The following TFEB variants were observed in gnomAD, a reference collection of about 807,000 sequenced individuals.
TFEB encodes the protein transcription factor EB, also known as T-cell transcription factor EB.
Under a neutral mutation model 48.0 loss-of-function variants are expected in TFEB, and 12 were observed. That is an observed-to-expected ratio of 0.25 (90% confidence interval 0.16 to 0.40). The LOEUF is 0.40. Ranked by LOEUF, TFEB falls within the 10% of genes least tolerant of loss-of-function variation. The pLI is 1.00. For synonymous variants in TFEB, 244 were observed against 261.4 expected (o/e 0.93, Z 0.64); for missense variants, 509 against 640.3 (o/e 0.79, Z 2.21).
intron 1 of TFEB, among the ~76,000 whole-genome samples, chr6:41,727,428 C>T (rs761289470): frequency 2.1e-4 from 32 of 152,254 alleles, no homozygotes; most frequent in Non-Finnish European, 4.1e-4. Context: ...AGGTGGCTCA[C>T]GCCTGTAATC....
chr6:41,693,367 T>C (rs1330545613), intron 1 of TFEB, among the ~76,000 whole-genome samples: 1 of 152,204 alleles, frequency 6.6e-6, no homozygotes, highest in Non-Finnish European at 1.5e-5. Flanking sequence ...TATGAAGTAG[T>C]TCTGCATATT....
At chr6:41,733,848 G>C (rs1034551772) in intron 1 of TFEB, 1 of 985,562 alleles carries the variant, frequency 1.0e-6, no homozygotes, top group African/African-American at 1.7e-5. Context: ...GAGCGCATCC[G>C]CATCTGTCCA....
intron 4 of TFEB, among the ~76,000 whole-genome samples, chr6:41,688,436 G>A (rs1769129035): frequency 6.6e-6 from 1 of 152,014 alleles, no homozygotes; most frequent in Non-Finnish European, 1.5e-5. Flanking sequence ...AAGCAGACAG[G>A]GCAGCTTGGC....
chr6:41,716,928 A>T (rs966799623), intron 1 of TFEB, among the ~76,000 whole-genome samples: 1 of 152,006 alleles, frequency 6.6e-6, no homozygotes, highest in African/African-American at 2.4e-5. Flanking sequence ...GTGTTGATGG[A>T]GGCATCGGCA....
intron 1 of TFEB, among the ~76,000 whole-genome samples, chr6:41,692,434 G>A (rs1446544061): frequency 6.6e-6 from 1 of 152,232 alleles, no homozygotes; most frequent in Non-Finnish European, 1.5e-5. Flanking sequence ...AGGAGGGCCT[G>A]TATGGGGAGG....
rs186958089 is a variant in TFEB at position 41,730,164 on chromosome 6, A to G, written c.-23+5186T>C. On this transcript the variant is annotated intron_variant, in intron 1 of 8. Coordinates refer to ENST00000373033, the MANE Select transcript of TFEB (RefSeq NM_001271944.2). This position sits in a 1 kb window ranked among gnomAD's most constrained non-coding sequence, Gnocchi z 4.1. ...ATAAAGATGCCTAGGCCCCTCCCCA[A>G]GAGATTCAGATGCAATGGTGTTGTC... 2.1e-3 allele frequency among the ~76,000 whole-genome samples: 322 copies of G among 152,170 alleles called. 2 individuals are homozygous for G. Among genetic ancestry groups the G allele is most frequent in the African/African-American group, 7.6e-3 (314 of 41,512 alleles).
In TFEB at chr6:41,714,179, G is replaced by A. The variant is rs559097947; in HGVS notation, c.-23+21171C>T. Among the ~76,000 whole-genome samples the A allele has an allele frequency of 2.0e-5, 3 of 152,134 alleles. No homozygotes were observed. In the South Asian group the frequency reaches 6.2e-4, roughly 32 times the overall value. ...TGCATGCGTGTGCATGTGTGCGTGT[G>A]TGTGCATGTGCATGCATGTGCGTGC... On this transcript the variant is annotated intron_variant, in intron 1 of 8. Transcript: ENST00000373033.
intron 4 of TFEB, among the ~76,000 whole-genome samples, chr6:41,689,101 A>G (rs1387669149): frequency 6.6e-6 from 1 of 152,190 alleles, no homozygotes; most frequent in Non-Finnish European, 1.5e-5. Context: ...TGCAGCTGAG[A>G]AAACTGGGGT....
chr6:41,718,226 G>A (rs754335650), intron 1 of TFEB, among the ~76,000 whole-genome samples: 1 of 150,978 alleles, frequency 6.6e-6, no homozygotes, highest in Admixed American at 6.6e-5. Context: ...GTTTGTTTTT[G>A]GAGACAGGGT....
At chr6:41,693,435 A>G (rs1167317180) in intron 1 of TFEB, among the ~76,000 whole-genome samples, 1 of 152,214 alleles carries the variant, frequency 6.6e-6, no homozygotes, top group Non-Finnish European at 1.5e-5. Context: ...GTCTTTCAGC[A>G]GTGAAAGGGA....
Position 41,684,802 on chromosome 6 carries a change from G to A in TFEB, c.1228C>T (p.Pro410Ser). 3 of 1,603,166 alleles carry A rather than the reference G, an allele frequency of 1.9e-6. No individual in the cohort carries two copies. The highest frequency in any genetic ancestry group is 2.2e-5 in the East Asian group (1 of 44,496). Reference sequence around the variant, plus strand: ...GCCAGGGGTTCGGGGTAGCCCGGGGGACCCTCGTCCTCCCTGCCCCCAAAG... The same window carrying A: ...GCCAGGGGTTCGGGGTAGCCCGGGGAACCCTCGTCCTCCCTGCCCCCAAAG... ...LSFGGREDEG[P>S]PGYPEPLAPG... Residue 410 changes from proline to serine, a missense_variant, in exon 9 of 9, where the codon CCC (proline) becomes TCC (serine). Transcript: ENST00000373033.
rs191201911 is a variant in TFEB, at chr6:41,726,698, C to T, written c.-23+8652G>A. ...TCGTGATCTGCCTGCCTTAGCCTCA[C>T]AAAGTGCTGGGATTACAGGCGTGAG... On this transcript the variant is annotated intron_variant, in intron 1 of 8. Coordinates refer to ENST00000373033, the MANE Select transcript of TFEB (RefSeq NM_001271944.2). 2.2e-3 allele frequency among the ~76,000 whole-genome samples: 335 copies of T among 152,286 alleles called. 2 individuals are homozygous for T. The highest frequency in any genetic ancestry group is 7.9e-3 in the African/African-American group (327 of 41,552).
intron 1 of TFEB, among the ~76,000 whole-genome samples, chr6:41,721,275 A>G (rs1357715162): frequency 6.6e-6 from 1 of 152,068 alleles, no homozygotes; most frequent in African/African-American, 2.4e-5. Context: ...TGCTCTATAA[A>G]CATGGCACAG....
intron 8 of TFEB, among the ~76,000 whole-genome samples, chr6:41,685,620 T>C (rs1479293173): frequency 2.0e-5 from 3 of 152,234 alleles, no homozygotes; most frequent in Non-Finnish European, 4.4e-5. Flanking sequence ...GCCAAGCTCC[T>C]GGTTCTTTAG....
chr6:41,733,264 C>G (rs1771526563), intron 1 of TFEB: 1 of 164,258 alleles, frequency 6.1e-6, no homozygotes, highest in Admixed American at 6.5e-5. Context: ...CACTCCCTGC[C>G]CACCTCTGAC....
At position 41,724,173 on chromosome 6, in the gene TFEB, G is replaced by A. The variant is rs1771109761; in HGVS notation, c.-23+11177C>T. Among the ~76,000 whole-genome samples the A allele has an allele frequency of 6.6e-6, 1 of 152,224 alleles. No individual in the cohort carries two copies. Among genetic ancestry groups the A allele is most frequent in the Non-Finnish European group, 1.5e-5 (1 of 68,040 alleles). ...GAAACTGTTCTTGATACACATGCAA[G>A]TTCAGTGGTTCCTCAGCCCCCCAGC... On this transcript the variant is annotated intron_variant, in intron 1 of 8. Coordinates refer to ENST00000373033, the MANE Select transcript of TFEB (RefSeq NM_001271944.2). This position sits in a 1 kb window ranked among gnomAD's most constrained non-coding sequence, Gnocchi z 4.4.
chr6:41,728,684 G>A (rs192310876), intron 1 of TFEB, among the ~76,000 whole-genome samples: 1 of 152,090 alleles, frequency 6.6e-6, no homozygotes, highest in African/African-American at 2.4e-5. Context: ...ACTCGGGGAG[G>A]GGGGGTTGGG....
In TFEB at chr6:41,691,233, T is replaced by C; in HGVS notation, c.-20A>G. ...CGCCATGGTGGCTGCCGGCGCTGGCTCCCTGTGGATGAGAAGGGGCAGCAG... is the reference window on the plus strand; with the variant it reads ...CGCCATGGTGGCTGCCGGCGCTGGCCCCCTGTGGATGAGAAGGGGCAGCAG... On this transcript the variant is annotated splice_region_variant and 5_prime_UTR_variant, in exon 2 of 9. Coordinates refer to ENST00000373033, the MANE Select transcript of TFEB (RefSeq NM_001271944.2). This position sits in a 1 kb window ranked among gnomAD's most constrained non-coding sequence, Gnocchi z 5.2. 6.4e-7 allele frequency: 1 copy of C among 1,565,544 alleles called. No homozygotes were observed. The highest frequency in any genetic ancestry group is 8.7e-7 in the Non-Finnish European group (1 of 1,152,272).
upstream of TFEB, chr6:41,735,701 G>A: frequency 2.5e-6 from 1 of 395,176 alleles, no homozygotes; most frequent in Non-Finnish European, 3.5e-6. Context: ...AGTTCTCGCT[G>A]CAGTCCCGCT....
Sources: gnomAD v4.1 joint callset for allele counts (sites outside exome capture counted in the v4.1 genomes callset) on GRCh38, gnomAD v4.1.1 for gene constraint, Gnocchi (gnomAD v3.1) non-coding constraint, MANE v1.5 for transcripts, NCBI Gene and HGNC (gene_info 2026-07-23, HGNC 2026-07-21) for gene names.